Variants in SLC23A3 observed in about 807,000 individuals in gnomAD.
SLC23A3 encodes the protein solute carrier family 23 member 3.
A neutral mutation model predicts 64.7 loss-of-function variants in SLC23A3; 41 were observed. That is an observed-to-expected ratio of 0.63 (90% CI 0.49 to 0.82). The LOEUF (loss-of-function observed/expected upper bound fraction) is 0.82. SLC23A3 is among the 40% of genes least tolerant of loss of function. The probability of loss-of-function intolerance (pLI) is 0.00; values close to 1 mark genes in which losing one functional copy is unlikely to be tolerated. For missense variants in SLC23A3, 647 were observed against 733.4 expected, an observed-to-expected ratio of 0.88 and a Z score of 1.36; for synonymous variants, 281 against 306.8, an observed-to-expected ratio of 0.92 and a Z score of 0.88.
In SLC23A3 at chr2:219,169,604, G is replaced by A. The variant is rs1442640860; in HGVS notation, c.237C>T (p.Leu79=). Residue 79 remains leucine (L), a synonymous_variant, in exon 2 of 12, where the codon CTC becomes CTT. Transcript: ENST00000409878. The surrounding 1 kb of genome is among the most constrained non-coding windows in gnomAD (Gnocchi z 4.5). ...CCAGGAGCTGAGAAGGGGAGTAAGA[G>A]AGTCCTCCTGGGGAGAGACTGCAAA... is the stretch of plus-strand genomic sequence containing the variant. ...LLLCSLSPGG[L]SYSPSQLLAS... is the part of the protein sequence containing the mutation. 1 of 1,614,240 alleles carries A rather than the reference G, an allele frequency of 6.2e-7. No individual in the cohort carries two copies. The highest frequency in any genetic ancestry group is 1.3e-5 in the African/African-American group (1 of 75,064).
intron 10 of SLC23A3, among the ~76,000 whole-genome samples, chr2:219,162,708 A>G (rs1002111016): frequency 3.9e-5 from 6 of 151,954 alleles, no homozygotes; most frequent in Non-Finnish European, 7.4e-5. Context: ...TTTACCCTCT[A>G]TGCTCTATCC....
chr2:219,165,144 C>G (rs2106377004), intron 8 of SLC23A3, 25 bp downstream of exon 8: 3 of 1,550,744 alleles, frequency 1.9e-6, no homozygotes, highest in Non-Finnish European at 2.6e-6. Context: ...CCATCCTACC[C>G]CACTCCCATC....
intron 5 of SLC23A3, 162 bp from the exon 6 acceptor site, chr2:219,168,480 T>C (rs1950026133): frequency 4.4e-6 from 5 of 1,123,734 alleles, no homozygotes; most frequent in Non-Finnish European, 5.0e-6. Flanking sequence ...CAGAAAACAG[T>C]GTGAAATTCA....
At position 219,169,579 on chromosome 2, in the gene SLC23A3, C is replaced by G; in HGVS notation, c.262G>C (p.Ala88Pro). 6.2e-7 allele frequency: 1 copy of G among 1,614,158 alleles called. No homozygotes were observed. The highest frequency in any genetic ancestry group is 2.2e-5 in the East Asian group (1 of 44,888). Reference protein sequence around the residue: ...GLSYSPSQLLASSFFSCGMST... With the variant: ...GLSYSPSQLLPSSFFSCGMST... Reference sequence around the variant, plus strand: ...ATACCACATGAAAAGAAGCTGGAGGCCAGGAGCTGAGAAGGGGAGTAAGAG... The same window carrying G: ...ATACCACATGAAAAGAAGCTGGAGGGCAGGAGCTGAGAAGGGGAGTAAGAG... Residue 88 changes from alanine to proline, a missense_variant, in exon 2 of 12, where the codon GCC becomes CCC. Ala to Pro is a conservative substitution (Grantham distance 27, BLOSUM62 -1). Transcript: ENST00000409878. This position sits in a 1 kb window ranked among gnomAD's most constrained non-coding sequence, Gnocchi z 4.5.
intron 7 of SLC23A3, among the ~76,000 whole-genome samples, chr2:219,167,552 G>A (rs529279551): frequency 1.0e-3 from 128 of 125,648 alleles, no homozygotes; most frequent in African/African-American, 3.9e-3. Flanking sequence ...AGGAGTTTGA[G>A]ACCAGCCTGG....
intron 9 of SLC23A3, 40 bp downstream of exon 9, chr2:219,164,193 G>A (rs749490583): frequency 7.2e-7 from 1 of 1,391,872 alleles, no homozygotes. Flanking sequence ...ACACTGGGGA[G>A]TAGCAGTTCA....
chr2:219,162,475 C>A, intron 10 of SLC23A3, 81 bp from the exon 11 acceptor site: 2 of 998,248 alleles, frequency 2.0e-6, no homozygotes, highest in East Asian at 2.5e-5. Context: ...CAGACCTAAA[C>A]CTAAGCCTTG....
Position 219,169,734 on chromosome 2 carries a change from A to G in SLC23A3, c.163-56T>C. The G allele has an allele frequency of 1.2e-6, 2 of 1,610,082 alleles. No individual in the cohort carries two copies. Among genetic ancestry groups the G allele is most frequent in the Non-Finnish European group, 1.7e-6 (2 of 1,178,430 alleles). ...TCAGAGAAGTGGAAATACCTACAAT[A>G]CTTCCAGAGGCTTTCACATGCCACA... On this transcript the variant is annotated intron_variant, in intron 1 of 11. Coordinates refer to ENST00000409878, the MANE Select transcript of SLC23A3 (RefSeq NM_001144889.2). This position sits in a 1 kb window ranked among gnomAD's most constrained non-coding sequence, Gnocchi z 4.5.
At chr2:219,167,865 G>C in intron 7 of SLC23A3, 65 bp downstream of exon 7, 1 of 1,220,340 alleles carries the variant, frequency 8.2e-7, no homozygotes, top group Non-Finnish European at 1.2e-6. Context: ...AATCCATTAA[G>C]TTCTTTGAGT....
At position 219,169,843 on chromosome 2, in the gene SLC23A3, T is replaced by C; in HGVS notation, c.142A>G (p.Ser48Gly). 12 of 1,600,298 alleles carry C rather than the reference T, an allele frequency of 7.5e-6. No individual in the cohort carries two copies. Among genetic ancestry groups the C allele is most frequent in the South Asian group, 1.1e-5 (1 of 89,550 alleles). ...CCTACCTGCAGAGCCAGAAGACAGC[T>C]GAGGCCCCAAGGCAGAGATCCACAC... ...PLCGSLPWGL[S>G]CLLALQHVLV... The change falls in exon 1 of 12, where the codon AGC becomes GGC. Residue 48 changes from serine (S) to glycine (G), a missense_variant. Ser to Gly is a moderately conservative substitution (Grantham distance 56). Transcript: ENST00000409878. This position sits in a 1 kb window ranked among gnomAD's most constrained non-coding sequence, Gnocchi z 4.5.
At chr2:219,162,774 G>T (rs1330890570) in intron 10 of SLC23A3, among the ~76,000 whole-genome samples, 4 of 152,102 alleles carry the variant, frequency 2.6e-5, no homozygotes, top group African/African-American at 9.7e-5. Flanking sequence ...TCTTTGTTGG[G>T]GGTGGTGGTG....
rs1950042110 is a variant in SLC23A3, at chr2:219,169,667, G to A, written c.174C>T (p.Val58=). ...SCLLALQHVL[V]MASLLCVSHL... ...GGGAGACACAGAGCAGAGAAGCCAT[G>A]ACCAAGACATGCTGCAGGTGGAGGA... The change falls in exon 2 of 12, where the codon GTC becomes GTT. Residue 58 remains valine (V), a synonymous_variant. Coordinates refer to ENST00000409878, the MANE Select transcript of SLC23A3 (RefSeq NM_001144889.2). This position sits in a 1 kb window ranked among gnomAD's most constrained non-coding sequence, Gnocchi z 4.5. The A allele has an allele frequency of 6.2e-7, 1 of 1,614,010 alleles. No individual in the cohort carries two copies. Among genetic ancestry groups the A allele is most frequent in the African/African-American group, 1.3e-5 (1 of 74,936 alleles).
rs1357568386 is a variant in SLC23A3, at chr2:219,162,081, T to C, written c.1661A>G (p.Gln554Arg). The C allele has an allele frequency of 6.2e-7, 1 of 1,614,032 alleles. No individual in the cohort carries two copies. The highest frequency in any genetic ancestry group is 8.5e-7 in the Non-Finnish European group (1 of 1,180,028). The change falls in exon 12 of 12, where the codon CAA (glutamine) becomes CGA (arginine). Residue 554 changes from glutamine to arginine, a missense_variant. Gln to Arg is a conservative substitution (Grantham distance 43). Coordinates refer to ENST00000409878, the MANE Select transcript of SLC23A3 (RefSeq NM_001144889.2). ...CTGGGGGATGCAGGGACAGAGGTTT[T>C]GGATGGGGAAAGGAAGTCTGTACAC... Reference protein sequence around the residue: ...AQVYRLPFPIQNLCPCIPQPL... With the variant: ...AQVYRLPFPIRNLCPCIPQPL...
chr2:219,162,458 AC>A, intron 10 of SLC23A3, 64 bp from the exon 11 acceptor site: 1 of 1,139,506 alleles, frequency 8.8e-7, no homozygotes, highest in East Asian at 2.4e-5. Context: ...CAGGAGTCTT[AC>A]CCTCCCAGAC....
intron 10 of SLC23A3, 49 bp from the exon 11 acceptor site, chr2:219,162,443 A>C (rs1949957560): frequency 1.4e-6 from 2 of 1,434,006 alleles, no homozygotes; most frequent in Non-Finnish European, 2.0e-6. Flanking sequence ...TCCTATATCC[A>C]AGCCCAGGAG....
intron 7 of SLC23A3, among the ~76,000 whole-genome samples, chr2:219,166,196 G>GGTTT (rs764953272): frequency 2.6e-5 from 4 of 151,658 alleles, no homozygotes; most frequent in Non-Finnish European, 2.9e-5. Context: ...TAAGTTTTTT[G>GGTTT]GTTTGTTTGT....
intron 8 of SLC23A3, chr2:219,164,663 G>A (rs1274429012): frequency 1.2e-5 from 3 of 259,228 alleles, no homozygotes; most frequent in Admixed American, 5.3e-5. Flanking sequence ...AGGCTCAAGC[G>A]ATTCTCCTGC....
At position 219,168,938 on chromosome 2, in the gene SLC23A3, T is replaced by C; in HGVS notation, c.492+91A>G. 4 of 1,552,416 alleles carry C rather than the reference T, an allele frequency of 2.6e-6. No homozygotes were observed. The Admixed American group carries it at 5.2e-5, about 20-fold the overall frequency. ...GTATGGGTTCCTCCCAAAACTCCTT[T>C]CCAGGAGCATCTCAGTCTGTGCATA... On this transcript the variant is annotated intron_variant, in intron 4 of 11. Coordinates refer to ENST00000409878, the MANE Select transcript of SLC23A3 (RefSeq NM_001144889.2).
Position 219,161,819 on chromosome 2 carries a change from T to C in SLC23A3, c.*90A>G. The stretch of plus-strand genomic sequence containing the variant: ...CCATGTAATACACACACACATATCC[T>C]CTGCCTACAAGAAAGAACAGTTTGG... On this transcript the variant is annotated 3_prime_UTR_variant, in exon 12 of 12. Transcript: ENST00000409878. The C allele has an allele frequency of 3.6e-6, 5 of 1,394,344 alleles. No homozygotes were observed. Among genetic ancestry groups the C allele is most frequent in the Non-Finnish European group, 4.9e-6 (5 of 1,024,862 alleles). 86.4% of individuals were successfully genotyped at this position (1,394,344 alleles called of 1,614,324 possible).
Sources: allele counts gnomAD v4.1 joint callset (sites outside exome capture counted in the v4.1 genomes callset), GRCh38; gene constraint gnomAD v4.1.1; non-coding constraint Gnocchi (gnomAD v3.1); transcripts MANE v1.5; gene names NCBI Gene and HGNC (gene_info 2026-07-23, HGNC 2026-07-21).